Variants in BMPR1A observed in about 807,000 individuals in gnomAD.
The protein encoded by BMPR1A is bone morphogenetic protein receptor type 1A.
A neutral mutation model predicts 66.0 loss-of-function variants in BMPR1A; 7 were observed. The ratio of observed to expected loss-of-function variants is 0.11; its 90% CI spans 0.06 to 0.20. The LOEUF is 0.20. BMPR1A is among the 10% of genes least tolerant of loss of function. The probability of loss-of-function intolerance (pLI) is 1.00; values close to 1 mark genes in which losing one functional copy is unlikely to be tolerated. For missense variants in BMPR1A, 408 were observed against 669.1 expected (o/e 0.61, Z 4.31); for synonymous variants, 200 against 229.7 (o/e 0.87, Z 1.17).
At chr10:86,879,140 T>C (rs905989758) in intron 3 of BMPR1A, among the ~76,000 whole-genome samples, 1 of 152,200 alleles carries the variant, frequency 6.6e-6, no homozygotes, top group African/African-American at 2.4e-5. Flanking sequence ...TCTTTGTCTT[T>C]TCAACTGTGA....
chr10:86,812,564 C>A (rs1841985912), intron 1 of BMPR1A, among the ~76,000 whole-genome samples: 2 of 152,204 alleles, frequency 1.3e-5, no homozygotes, highest in African/African-American at 4.8e-5. Context: ...TCCTACAGTG[C>A]TGTATGCCTT....
intron 1 of BMPR1A, among the ~76,000 whole-genome samples, chr10:86,796,797 A>G (rs1393526813): frequency 6.6e-6 from 1 of 151,678 alleles, no homozygotes; most frequent in Non-Finnish European, 1.5e-5. Context: ...GAGTTACTGT[A>G]TTTTCTTAGC....
At chr10:86,887,044 G>A (rs1463076828) in intron 3 of BMPR1A, among the ~76,000 whole-genome samples, 2 of 151,856 alleles carry the variant, frequency 1.3e-5, no homozygotes, top group South Asian at 2.1e-4. Flanking sequence ...TGTTGACCAG[G>A]CTGGTCTTGA....
At chr10:86,770,105 A>G (rs751587475) in intron 1 of BMPR1A, among the ~76,000 whole-genome samples, 1 of 152,212 alleles carries the variant, frequency 6.6e-6, no homozygotes, top group South Asian at 2.1e-4. Flanking sequence ...AGCCTGGGCA[A>G]CATGGCGAAA....
At chr10:86,798,091 T>A (rs1841750559) in intron 1 of BMPR1A, among the ~76,000 whole-genome samples, 1 of 152,150 alleles carries the variant, frequency 6.6e-6, no homozygotes, top group Non-Finnish European at 1.5e-5. Flanking sequence ...CACATCCTCT[T>A]CATTTAAGGT....
At chr10:86,819,985 T>A (rs554373196) in intron 1 of BMPR1A, among the ~76,000 whole-genome samples, 31 of 152,328 alleles carry the variant, frequency 2.0e-4, no homozygotes, top group African/African-American at 7.2e-4. Context: ...TTCTAGCACT[T>A]TTCCTACTAA....
chr10:86,792,336 A>C (rs1047826447), intron 1 of BMPR1A, among the ~76,000 whole-genome samples: 5 of 152,128 alleles, frequency 3.3e-5, no homozygotes, highest in Admixed American at 6.5e-5. Flanking sequence ...GAGTGCTGGG[A>C]TTACAGGCAT....
chr10:86,816,915 A>G (rs886607571), intron 1 of BMPR1A, among the ~76,000 whole-genome samples: 3 of 152,204 alleles, frequency 2.0e-5, no homozygotes, highest in Non-Finnish European at 2.9e-5. Context: ...TAAGGGAAAG[A>G]TAATAATAAT....
chr10:86,911,192 A>G (rs1451663237), intron 7 of BMPR1A, among the ~76,000 whole-genome samples: 1 of 151,700 alleles, frequency 6.6e-6, no homozygotes, highest in African/African-American at 2.4e-5. Flanking sequence ...CCTTGAGAAC[A>G]TATTTCTTGA....
At chr10:86,885,174 T>C (rs1281453546) in intron 3 of BMPR1A, among the ~76,000 whole-genome samples, 1 of 152,252 alleles carries the variant, frequency 6.6e-6, no homozygotes, top group Admixed American at 6.5e-5. Flanking sequence ...AGCGCATTGC[T>C]GCATTTTGTG....
At chr10:86,860,558 TC>T (rs886940004) in intron 2 of BMPR1A, among the ~76,000 whole-genome samples, 14 of 152,008 alleles carry the variant, frequency 9.2e-5, no homozygotes, top group African/African-American at 2.7e-4. Context: ...TCACCCGAGA[TC>T]AAGAGTTCGA....
intron 1 of BMPR1A, among the ~76,000 whole-genome samples, chr10:86,799,004 A>G (rs951593264): frequency 1.3e-5 from 2 of 152,238 alleles, no homozygotes; most frequent in Non-Finnish European, 2.9e-5. Context: ...CATATTAACC[A>G]AAAAGAAGAG....
At chr10:86,787,249 A>G (rs7917076) in intron 1 of BMPR1A, among the ~76,000 whole-genome samples, 43,104 of 151,298 alleles carry the variant, frequency 0.28, 7,571 homozygotes, top group East Asian at 0.73. Context: ...ACCAGGAACA[A>G]CACACCAGTA....
chr10:86,855,814 G>A (rs1449957115), intron 2 of BMPR1A: 2 of 1,098,718 alleles, frequency 1.8e-6, no homozygotes, highest in Non-Finnish European at 2.6e-6. Flanking sequence ...CTGGTAGAAT[G>A]GAGGAAACAA....
At chr10:86,897,559 T>C (rs1282315845) in intron 5 of BMPR1A, among the ~76,000 whole-genome samples, 2 of 152,224 alleles carry the variant, frequency 1.3e-5, no homozygotes. Flanking sequence ...ATGTGTATAG[T>C]ATCCTGGGGA....
chr10:86,844,064 G>A (rs560614308), intron 2 of BMPR1A, among the ~76,000 whole-genome samples: 2 of 152,324 alleles, frequency 1.3e-5, no homozygotes, highest in South Asian at 4.1e-4. Flanking sequence ...CTCATTAGTA[G>A]CCAAGGTAAG....
intron 2 of BMPR1A, among the ~76,000 whole-genome samples, chr10:86,873,429 C>T (rs1043355455): frequency 2.0e-5 from 3 of 147,096 alleles, no homozygotes; most frequent in Non-Finnish European, 3.0e-5. Flanking sequence ...GCCCCCACCC[C>T]TATTAAATTA....
intron 1 of BMPR1A, among the ~76,000 whole-genome samples, chr10:86,765,700 A>G (rs1841151165): frequency 6.6e-6 from 1 of 152,294 alleles, no homozygotes; most frequent in African/African-American, 2.4e-5. Context: ...TTACCATAGA[A>G]CTGTGTGTTT....
At chr10:86,877,581 A>G (rs867719030) in intron 3 of BMPR1A, among the ~76,000 whole-genome samples, 12 of 152,194 alleles carry the variant, frequency 7.9e-5, no homozygotes, top group African/African-American at 2.4e-4. Context: ...TATTATAACA[A>G]TATCCTTAGT....
Sources: gnomAD v4.1 joint callset for allele counts (sites outside exome capture counted in the v4.1 genomes callset) on GRCh38, gnomAD v4.1.1 for gene constraint, MANE v1.5 for transcripts, NCBI Gene and HGNC (gene_info 2026-07-23, HGNC 2026-07-21) for gene names.